The following NRXN1 variants were observed in gnomAD, a reference collection of about 807,000 sequenced individuals.
The protein encoded by NRXN1 is neurexin-1.
Under a neutral mutation model 150.9 loss-of-function variants are expected in NRXN1, and 39 were observed. The observed-to-expected ratio is 0.26, with a 90% CI of 0.20 to 0.34. The LOEUF is 0.34. NRXN1 is among the 10% of genes least tolerant of loss of function. NRXN1 has a pLI of 1.00. For synonymous variants in NRXN1, 924 were observed against 757.0 expected (o/e 1.22, Z -3.62); for missense variants, 1,815 against 1,949.9 (o/e 0.93, Z 1.30).
intron 5 of NRXN1, among the ~76,000 whole-genome samples, chr2:50,747,986 A>C (rs1397083525): frequency 6.6e-6 from 1 of 152,162 alleles, no homozygotes; most frequent in Non-Finnish European, 1.5e-5. Context: ...TATGACCAGC[A>C]GTCTCTATTT....
chr2:49,984,978 T>A (rs17492567), intron 21 of NRXN1, among the ~76,000 whole-genome samples: 5 of 152,096 alleles, frequency 3.3e-5, no homozygotes, highest in African/African-American at 1.2e-4. Context: ...ATCCAATGCA[T>A]GTAATATGTG....
intron 17 of NRXN1, among the ~76,000 whole-genome samples, chr2:50,411,013 G>T (rs1022924533): frequency 2.0e-5 from 3 of 152,060 alleles, no homozygotes; most frequent in Middle Eastern, 3.2e-3. Flanking sequence ...ATATATTTGG[G>T]TTTTTAAAAA....
In NRXN1 at chr2:49,918,839, AT is replaced by A. The variant is rs1198685407; in HGVS notation, c.*3104del. The A allele has an allele frequency of 6.6e-6, 1 of 152,104 alleles. No individual in the cohort carries two copies. The highest frequency in any genetic ancestry group is 1.5e-5 in the Non-Finnish European group (1 of 67,974). The allele number at this position is 152,104 out of a possible 1,614,324, so 9.4% of individuals were successfully genotyped here. On this transcript the variant is annotated 3_prime_UTR_variant, in exon 23 of 23. Coordinates refer to ENST00000401669, the MANE Select transcript of NRXN1 (RefSeq NM_001330078.2). Reference sequence around the variant, plus strand: ...TAAGCACGAAATGGTGCCGCATATAATTTTTAAAATCAATAAATCACAGTTG... The same window carrying A: ...TAAGCACGAAATGGTGCCGCATATAATTTTAAAATCAATAAATCACAGTTG...
chr2:50,989,420 A>G (rs1308997157), intron 2 of NRXN1, among the ~76,000 whole-genome samples: 1 of 151,994 alleles, frequency 6.6e-6, no homozygotes, highest in African/African-American at 2.4e-5. Context: ...AACCACCAAT[A>G]CAATCAAGGT....
chr2:50,000,274 T>C (rs923197610), intron 21 of NRXN1, among the ~76,000 whole-genome samples: 1 of 152,188 alleles, frequency 6.6e-6, no homozygotes, highest in African/African-American at 2.4e-5. Context: ...ACAGAATTTA[T>C]CATCTACTGG....
At chr2:50,360,180 G>A (rs1276324274) in intron 17 of NRXN1, among the ~76,000 whole-genome samples, 1 of 152,144 alleles carries the variant, frequency 6.6e-6, no homozygotes, top group African/African-American at 2.4e-5. Context: ...AAAGACCATT[G>A]GCACTATGAA....
At chr2:50,914,398 C>T (rs1208798168) in intron 5 of NRXN1, among the ~76,000 whole-genome samples, 2 of 151,810 alleles carry the variant, frequency 1.3e-5, no homozygotes, top group Non-Finnish European at 2.9e-5. Context: ...CTGAAAACGT[C>T]GCAATGAATC....
intron 9 of NRXN1, among the ~76,000 whole-genome samples, chr2:50,549,693 A>T (rs1305959070): frequency 2.0e-5 from 3 of 152,230 alleles, no homozygotes; most frequent in African/African-American, 4.8e-5. Flanking sequence ...AGAGTAATTA[A>T]TAAACTCTTG....
intron 21 of NRXN1, among the ~76,000 whole-genome samples, chr2:50,050,360 C>T (rs1239769086): frequency 2.0e-5 from 3 of 151,890 alleles, no homozygotes; most frequent in Non-Finnish European, 4.4e-5. Context: ...TTTAATTCTG[C>T]CTGACCAAAA....
chr2:50,845,388 T>C (rs777202317), intron 5 of NRXN1, among the ~76,000 whole-genome samples: 2 of 152,212 alleles, frequency 1.3e-5, no homozygotes, highest in Non-Finnish European at 2.9e-5. Flanking sequence ...CTGGTAGATG[T>C]TATCGTCTCA....
chr2:50,942,960 C>T (rs76318873), intron 2 of NRXN1, among the ~76,000 whole-genome samples: 1 of 152,134 alleles, frequency 6.6e-6, no homozygotes, highest in Non-Finnish European at 1.5e-5. Flanking sequence ...AAATTGTAAT[C>T]CCCATGTGTT....
At chr2:51,016,580 C>T (rs749431459) in intron 2 of NRXN1, among the ~76,000 whole-genome samples, 23 of 152,072 alleles carry the variant, frequency 1.5e-4, no homozygotes, top group Admixed American at 7.2e-4. Context: ...GTTAGAATGA[C>T]GATCATTAAA....
intron 2 of NRXN1, among the ~76,000 whole-genome samples, chr2:50,932,168 A>C (rs1201872451): frequency 1.3e-5 from 2 of 152,116 alleles, no homozygotes; most frequent in East Asian, 1.9e-4. Flanking sequence ...AAAGTGGATC[A>C]CTTGGTGTCA....
intron 5 of NRXN1, among the ~76,000 whole-genome samples, chr2:50,660,290 G>T (rs1687102863): frequency 6.6e-6 from 1 of 152,028 alleles, no homozygotes; most frequent in Non-Finnish European, 1.5e-5. Flanking sequence ...AAATTGCAAG[G>T]TTAGAATAAA....
At chr2:49,999,972 A>G (rs1271928406) in intron 21 of NRXN1, among the ~76,000 whole-genome samples, 1 of 152,310 alleles carries the variant, frequency 6.6e-6, no homozygotes, top group African/African-American at 2.4e-5. Context: ...GTTTTTAATC[A>G]TAAAACAAAA....
chr2:50,452,681 C>T (rs77709488), intron 17 of NRXN1, among the ~76,000 whole-genome samples: 184 of 152,114 alleles, frequency 1.2e-3, no homozygotes, highest in African/African-American at 3.9e-3. Flanking sequence ...TTTTAGGCAA[C>T]GAAAAAGAAT....
chr2:50,950,222 T>C (rs898844275), intron 2 of NRXN1, among the ~76,000 whole-genome samples: 2 of 152,184 alleles, frequency 1.3e-5, no homozygotes, highest in Non-Finnish European at 2.9e-5. Flanking sequence ...GTCAAGGTAT[T>C]AGCTTCATAA....
Position 50,412,055 on chromosome 2 carries a change from AG to A in NRXN1, c.3364+53386del, listed in dbSNP as rs530212851. On this transcript the variant is annotated intron_variant, in intron 17 of 22. Transcript: ENST00000401669. ...TCTGAAACATGTGCTGTGTCCACTC[AG>A]GGTTAAATGGATGAAGGGCGGTGCA... Among the ~76,000 whole-genome samples, 118 of 152,322 alleles carry A rather than the reference AG, an allele frequency of 7.7e-4. 2 individuals carry two copies. The South Asian group carries it at 0.023, about 30-fold the overall frequency.
At chr2:50,612,375 TG>T (rs925359239) in intron 8 of NRXN1, among the ~76,000 whole-genome samples, 1 of 152,128 alleles carries the variant, frequency 6.6e-6, no homozygotes, top group African/African-American at 2.4e-5. Context: ...ACCAAAAACT[TG>T]TTTTTTTTCT....
Sources: allele counts gnomAD v4.1 joint callset (sites outside exome capture counted in the v4.1 genomes callset), GRCh38; gene constraint gnomAD v4.1.1; transcripts MANE v1.5; gene names NCBI Gene and HGNC (gene_info 2026-07-23, HGNC 2026-07-21).